The following TLL1 variants were observed in gnomAD, a reference collection of about 807,000 sequenced individuals.
TLL1 encodes the protein tolloid like 1, also known as tolloid-like protein 1.
A neutral mutation model predicts 128.2 loss-of-function variants in TLL1; 49 were observed. The ratio of observed to expected loss-of-function variants is 0.38; its 90% CI spans 0.30 to 0.48. TLL1 has a LOEUF of 0.48. Among genes scored for constraint, TLL1 ranks in the 20% least tolerant of loss-of-function variants. TLL1 has a pLI of 0.96. For missense variants in TLL1, 1,123 were observed against 1,242.0 expected (o/e 0.90, Z 1.44); for synonymous variants, 454 against 418.8 (o/e 1.08, Z -1.03).
At chr4:166,011,659 T>C (rs949715778) in intron 7 of TLL1, among the ~76,000 whole-genome samples, 3 of 151,476 alleles carry the variant, frequency 2.0e-5, no homozygotes, top group African/African-American at 4.8e-5. Context: ...GGCTGGGGCT[T>C]TCAGTACTGT....
At chr4:166,090,120 G>A (rs909433952) in intron 18 of TLL1, among the ~76,000 whole-genome samples, 8 of 151,862 alleles carry the variant, frequency 5.3e-5, no homozygotes, top group Non-Finnish European at 7.4e-5. Context: ...TTTGTTGGAG[G>A]GATTATAGCA....
intron 19 of TLL1, among the ~76,000 whole-genome samples, chr4:166,093,356 G>A (rs1741866807): frequency 6.6e-6 from 1 of 152,166 alleles, no homozygotes; most frequent in African/African-American, 2.4e-5. Context: ...TCACAATTAA[G>A]TTCAAGGGGA....
At chr4:165,962,555 C>A (rs935409791) in intron 1 of TLL1, among the ~76,000 whole-genome samples, 5 of 152,130 alleles carry the variant, frequency 3.3e-5, no homozygotes, top group African/African-American at 1.2e-4. Flanking sequence ...TGTAACCCAG[C>A]ACTCTTATTA....
chr4:166,011,882 A>C (rs575643525), intron 7 of TLL1, among the ~76,000 whole-genome samples: 1 of 151,596 alleles, frequency 6.6e-6, no homozygotes, highest in South Asian at 2.1e-4. Flanking sequence ...ATATCAGCTA[A>C]CATGATCATA....
intron 7 of TLL1, among the ~76,000 whole-genome samples, chr4:166,012,828 G>C (rs1007295106): frequency 5.3e-5 from 8 of 151,816 alleles, no homozygotes; most frequent in African/African-American, 1.9e-4. Context: ...TAGATGTTTA[G>C]ATCTTGTAGT....
rs1182285015 is a variant in TLL1 at position 166,102,744 on chromosome 4, A to G, written c.*1868A>G. On this transcript the variant is annotated 3_prime_UTR_variant, in exon 21 of 21. Coordinates refer to ENST00000061240, the MANE Select transcript of TLL1 (RefSeq NM_012464.5). ...TTGTTGCCCTGAAAAAATTTCTTGC[A>G]TATGAATTGTAAAATGTAAATACAT... 1 of 151,910 alleles carries G rather than the reference A, an allele frequency of 6.6e-6. No individual in the cohort carries two copies. The highest frequency in any genetic ancestry group is 1.5e-5 in the Non-Finnish European group (1 of 67,888). 9.4% of individuals were successfully genotyped at this position (151,910 alleles called of 1,614,324 possible).
chr4:165,885,439 G>C (rs375303380), intron 1 of TLL1, among the ~76,000 whole-genome samples: 1 of 151,856 alleles, frequency 6.6e-6, no homozygotes, highest in African/African-American at 2.4e-5. Flanking sequence ...TAAACCCTCA[G>C]GTTTCTGACA....
intron 1 of TLL1, among the ~76,000 whole-genome samples, chr4:165,926,428 G>A (rs1411236892): frequency 6.6e-6 from 1 of 152,160 alleles, no homozygotes; most frequent in Non-Finnish European, 1.5e-5. Context: ...GATATAGTAT[G>A]ATTTTCAGTT....
intron 10 of TLL1, 97 bp from the exon 11 acceptor site, chr4:166,041,930 A>C: frequency 1.2e-6 from 1 of 835,124 alleles, no homozygotes; most frequent in Non-Finnish European, 2.0e-6. Flanking sequence ...AATGTGAACC[A>C]AATCGGTGTT....
chr4:166,020,898 G>A (rs1738197005), intron 8 of TLL1, among the ~76,000 whole-genome samples: 1 of 152,142 alleles, frequency 6.6e-6, no homozygotes, highest in African/African-American at 2.4e-5. Flanking sequence ...AGGAACATAT[G>A]TACAACCTAT....
intron 18 of TLL1, among the ~76,000 whole-genome samples, chr4:166,084,483 C>G (rs1200570849): frequency 6.6e-6 from 1 of 151,976 alleles, no homozygotes; most frequent in African/African-American, 2.4e-5. Context: ...GGAACTTTTC[C>G]CTATGTTTTC....
chr4:166,063,052 T>G (rs1166786235), intron 15 of TLL1, among the ~76,000 whole-genome samples: 2 of 152,040 alleles, frequency 1.3e-5, no homozygotes, highest in African/African-American at 4.8e-5. Flanking sequence ...AGTGAACAGG[T>G]AACCTACAGA....
At chr4:165,937,057 G>A (rs1320953924) in intron 1 of TLL1, among the ~76,000 whole-genome samples, 1 of 152,064 alleles carries the variant, frequency 6.6e-6, no homozygotes, top group Non-Finnish European at 1.5e-5. Flanking sequence ...TATAATTTTT[G>A]TTGCAATTAT....
intron 8 of TLL1, 91 bp downstream of exon 8, chr4:166,014,651 C>T: frequency 6.3e-7 from 1 of 1,580,550 alleles, no homozygotes. Flanking sequence ...GTTTGTTTGT[C>T]TCCCTCCCTG....
At chr4:165,959,572 A>G (rs1734992853) in intron 1 of TLL1, among the ~76,000 whole-genome samples, 1 of 152,182 alleles carries the variant, frequency 6.6e-6, no homozygotes, top group Non-Finnish European at 1.5e-5. Context: ...ACATACTTGA[A>G]GATCAACCAC....
intron 1 of TLL1, among the ~76,000 whole-genome samples, chr4:165,896,657 G>A (rs925232510): frequency 6.6e-6 from 1 of 151,602 alleles, no homozygotes; most frequent in Non-Finnish European, 1.5e-5. Flanking sequence ...TAATTTTTTT[G>A]TATTTTTAGT....
At chr4:166,065,630 T>G (rs763517326) in intron 15 of TLL1, 53 bp from the exon 16 acceptor site, 2 of 1,552,774 alleles carry the variant, frequency 1.3e-6, no homozygotes. Context: ...AAGATAAATG[T>G]CAATCATCTT....
chr4:166,008,401 A>G (rs960879822), intron 7 of TLL1, among the ~76,000 whole-genome samples: 3 of 151,496 alleles, frequency 2.0e-5, no homozygotes, highest in Non-Finnish European at 3.0e-5. Context: ...TGTTTAATGA[A>G]AATTGGATAT....
intron 1 of TLL1, among the ~76,000 whole-genome samples, chr4:165,944,048 T>C (rs1734134954): frequency 2.0e-5 from 3 of 152,154 alleles, no homozygotes; most frequent in Non-Finnish European, 4.4e-5. Flanking sequence ...GAAATGCCCC[T>C]TTGGAAGTAC....
Sources: gnomAD v4.1 joint callset for allele counts (sites outside exome capture counted in the v4.1 genomes callset) on GRCh38, gnomAD v4.1.1 for gene constraint, MANE v1.5 for transcripts, NCBI Gene and HGNC (gene_info 2026-07-23, HGNC 2026-07-21) for gene names.